MGMT: variants seen among roughly 807,000 people sequenced by gnomAD.
MGMT encodes the protein methylated-DNA--protein-cysteine methyltransferase.
In MGMT, 14 loss-of-function variants were observed where a neutral mutation model predicts 15.9. That is an observed-to-expected ratio of 0.88 (90% CI 0.58 to 1.37). The LOEUF (loss-of-function observed/expected upper bound fraction) is 1.37. MGMT is among the 40% of genes most tolerant of loss of function. The pLI is 0.00. For synonymous variants in MGMT, 130 were observed against 118.2 expected (o/e 1.10, Z -0.65); for missense variants, 282 against 268.1 (o/e 1.05, Z -0.36).
At chr10:129,578,831 G>T (rs999665438) in intron 2 of MGMT, among the ~76,000 whole-genome samples, 13 of 152,144 alleles carry the variant, frequency 8.5e-5, no homozygotes, top group African/African-American at 3.1e-4. Context: ...TAATTTAATA[G>T]TTACAACTAT....
intron 1 of MGMT, among the ~76,000 whole-genome samples, chr10:129,509,602 A>C (rs1263850964): frequency 6.6e-6 from 1 of 152,260 alleles, no homozygotes; most frequent in African/African-American, 2.4e-5. Context: ...TAGGATGACT[A>C]AGAAAGACAT....
intron 3 of MGMT, among the ~76,000 whole-genome samples, chr10:129,722,430 C>G (rs554899222): frequency 3.3e-5 from 5 of 152,032 alleles, no homozygotes; most frequent in Admixed American, 1.3e-4. Context: ...GGCGGTGTTA[C>G]GGAGAGGTCA....
intron 1 of MGMT, among the ~76,000 whole-genome samples, chr10:129,520,424 G>C (rs146736062): frequency 7.9e-6 from 1 of 126,148 alleles, no homozygotes; most frequent in Admixed American, 8.3e-5. Context: ...CCTACCGTGC[G>C]CATACAGAGC....
chr10:129,542,937 C>A (rs1016573018), intron 2 of MGMT, among the ~76,000 whole-genome samples: 2 of 152,168 alleles, frequency 1.3e-5, no homozygotes, highest in Admixed American at 1.3e-4. Flanking sequence ...TTATCAATAA[C>A]ACAAATTGTG....
chr10:129,573,182 T>C (rs555118039), intron 2 of MGMT, among the ~76,000 whole-genome samples: 7 of 152,338 alleles, frequency 4.6e-5, no homozygotes, highest in South Asian at 2.1e-4. Flanking sequence ...CTTTTTCTTA[T>C]TGATATGTGA....
At chr10:129,568,867 C>G (rs1331463309) in intron 2 of MGMT, among the ~76,000 whole-genome samples, 2 of 152,192 alleles carry the variant, frequency 1.3e-5, no homozygotes, top group Non-Finnish European at 2.9e-5. Context: ...GGCCAGTCCT[C>G]TCCTTATTCT....
chr10:129,689,435 A>G (rs1169731443), intron 2 of MGMT, among the ~76,000 whole-genome samples: 2 of 152,212 alleles, frequency 1.3e-5, no homozygotes, highest in African/African-American at 4.8e-5. Context: ...CATGTACATC[A>G]TAATTAGGAG....
Position 129,533,811 on chromosome 10 carries a change from G to A in MGMT, c.-12-2430G>A, listed in dbSNP as rs1334784636. On this transcript the variant is annotated intron_variant, in intron 1 of 4. Transcript: ENST00000651593. This position sits in a 1 kb window ranked among gnomAD's most constrained non-coding sequence, Gnocchi z 4.5. ...CCCGGGATGGTGGGAGATGTCTGCAGGCGCAGGGCGGAGGCTGTGGGCCAA... is the reference window on the plus strand; with the variant it reads ...CCCGGGATGGTGGGAGATGTCTGCAAGCGCAGGGCGGAGGCTGTGGGCCAA... Among the ~76,000 whole-genome samples the A allele has an allele frequency of 6.6e-6, 1 of 152,200 alleles. No individual in the cohort carries two copies. The highest frequency in any genetic ancestry group is 1.5e-5 in the Non-Finnish European group (1 of 68,038).
At chr10:129,685,852 G>A (rs1035277841) in intron 2 of MGMT, among the ~76,000 whole-genome samples, 1 of 152,136 alleles carries the variant, frequency 6.6e-6, no homozygotes, top group African/African-American at 2.4e-5. Context: ...CTTCCTCTGG[G>A]TTTCTAAGTA....
chr10:129,578,530 T>G (rs889675792), intron 2 of MGMT, among the ~76,000 whole-genome samples: 4 of 149,386 alleles, frequency 2.7e-5, no homozygotes, highest in Admixed American at 1.3e-4. Context: ...CTGGGGACTG[T>G]TGTGGGGTGG....
At chr10:129,638,173 C>G (rs755093933) in intron 2 of MGMT, among the ~76,000 whole-genome samples, 2 of 151,954 alleles carry the variant, frequency 1.3e-5, no homozygotes, top group Admixed American at 6.6e-5. Flanking sequence ...TCTAAATTTC[C>G]TAGACACACC....
At chr10:129,506,471 C>T (rs951094023) in intron 1 of MGMT, among the ~76,000 whole-genome samples, 1 of 152,142 alleles carries the variant, frequency 6.6e-6, no homozygotes, top group Non-Finnish European at 1.5e-5. Context: ...CCTCCCCTTG[C>T]AGCCACATAC....
intron 2 of MGMT, among the ~76,000 whole-genome samples, chr10:129,652,051 A>G (rs1380162395): frequency 6.6e-6 from 1 of 152,178 alleles, no homozygotes; most frequent in Non-Finnish European, 1.5e-5. Context: ...GGTTCCGGGA[A>G]AGCTGCTGTC....
intron 2 of MGMT, among the ~76,000 whole-genome samples, chr10:129,546,598 G>A (rs1564848265): frequency 6.6e-6 from 1 of 152,196 alleles, no homozygotes; most frequent in Non-Finnish European, 1.5e-5. Context: ...TACCAATGGA[G>A]ACTGAAGGAA....
At chr10:129,550,136 A>G (rs1205338181) in intron 2 of MGMT, among the ~76,000 whole-genome samples, 2 of 152,226 alleles carry the variant, frequency 1.3e-5, no homozygotes, top group Non-Finnish European at 2.9e-5. Flanking sequence ...TGCATCTGCC[A>G]TTTGTGAACG....
chr10:129,740,136 GGAGTTAGAA>G (rs1848614165), intron 3 of MGMT, among the ~76,000 whole-genome samples: 1 of 152,252 alleles, frequency 6.6e-6, no homozygotes, highest in Non-Finnish European at 1.5e-5. Context: ...GCTTGAGTGT[GGAGTTAGAA>G]GTCGGGGTCC....
chr10:129,492,404 C>T (rs908624526), intron 1 of MGMT, among the ~76,000 whole-genome samples: 4 of 152,156 alleles, frequency 2.6e-5, no homozygotes, highest in African/African-American at 7.2e-5. Flanking sequence ...CCTTCTCTCT[C>T]TGTCTTTCCG....
chr10:129,656,782 G>C (rs1260824885), intron 2 of MGMT, among the ~76,000 whole-genome samples: 1 of 152,084 alleles, frequency 6.6e-6, no homozygotes, highest in African/African-American at 2.4e-5. Flanking sequence ...CTTTCTCTCT[G>C]TGAGCAGAGG....
At chr10:129,518,422 CTTAGATG>C (rs1845764888) in intron 1 of MGMT, among the ~76,000 whole-genome samples, 1 of 148,468 alleles carries the variant, frequency 6.7e-6, no homozygotes, top group Non-Finnish European at 1.5e-5. Flanking sequence ...TCCACTTACA[CTTAGATG>C]TTCTTCTACC....
Sources: gnomAD v4.1 joint callset for allele counts (sites outside exome capture counted in the v4.1 genomes callset) on GRCh38, gnomAD v4.1.1 for gene constraint, Gnocchi (gnomAD v3.1) non-coding constraint, MANE v1.5 for transcripts, NCBI Gene and HGNC (gene_info 2026-07-23, HGNC 2026-07-21) for gene names.